Variants in PSMA1 observed in about 807,000 individuals in gnomAD.
PSMA1 encodes proteasome 20S subunit alpha 1.
Under a neutral mutation model 38.4 loss-of-function variants are expected in PSMA1, and 3 were observed. The observed-to-expected ratio is 0.08, with a 90% CI of 0.04 to 0.20. PSMA1 has a LOEUF of 0.20. Among genes scored for constraint, PSMA1 ranks in the 10% least tolerant of loss-of-function variants. The pLI is 1.00. For missense variants in PSMA1, 227 were observed against 325.3 expected, an observed-to-expected ratio of 0.70 and a Z score of 2.32; for synonymous variants, 101 against 107.1, an observed-to-expected ratio of 0.94 and a Z score of 0.35.
chr11:14,624,962 G>A (rs1208469731), intron 1 of PSMA1, among the ~76,000 whole-genome samples: 1 of 152,136 alleles, frequency 6.6e-6, no homozygotes, highest in Non-Finnish European at 1.5e-5. Flanking sequence ...TAATAGAGGT[G>A]GGAGAAGTTA....
intron 1 of PSMA1, among the ~76,000 whole-genome samples, chr11:14,626,169 T>C (rs1852909477): frequency 6.6e-6 from 1 of 151,882 alleles, no homozygotes; most frequent in African/African-American, 2.4e-5. Context: ...TTTTTATTAT[T>C]ACTTAAGTGA....
At chr11:14,558,507 A>G (rs1262365995) in intron 2 of PSMA1, among the ~76,000 whole-genome samples, 2 of 152,214 alleles carry the variant, frequency 1.3e-5, no homozygotes, top group African/African-American at 2.4e-5. Flanking sequence ...CTGCTTTGAG[A>G]TAATGTGCTA....
intron 1 of PSMA1, among the ~76,000 whole-genome samples, chr11:14,638,318 G>A (rs1853136358): frequency 6.6e-6 from 1 of 151,780 alleles, no homozygotes; most frequent in South Asian, 2.1e-4. Flanking sequence ...ATAATATGTA[G>A]GTGTTTCACT....
At chr11:14,547,717 C>T (rs1226752426) in intron 2 of PSMA1, among the ~76,000 whole-genome samples, 1 of 152,086 alleles carries the variant, frequency 6.6e-6, no homozygotes, top group Non-Finnish European at 1.5e-5. Flanking sequence ...CTGTGGGGGA[C>T]CAGGATAGGT....
intron 8 of PSMA1, among the ~76,000 whole-genome samples, chr11:14,508,882 C>T (rs914855407): frequency 5.3e-5 from 8 of 151,218 alleles, no homozygotes; most frequent in Non-Finnish European, 1.0e-4. Context: ...TCCAAGTTTT[C>T]CTCCTACTTC....
In PSMA1 at chr11:14,531,513, A is replaced by C. The variant is rs1342214803; in HGVS notation, c.22-12472T>G. Among the ~76,000 whole-genome samples, 6 of 152,314 alleles carry C rather than the reference A, an allele frequency of 3.9e-5. No homozygotes were observed. In the East Asian group the frequency reaches 1.2e-3, roughly 29 times the overall value. ...GGTCTCATTCTGTCTCCCAGGCTAG[A>C]GTGCAATGGCGCGAACTTAGCTCAC... On this transcript the variant is annotated intron_variant, in intron 2 of 10. Transcript: ENST00000418988.
chr11:14,571,331 G>C (rs962943813), intron 2 of PSMA1, among the ~76,000 whole-genome samples: 1 of 152,174 alleles, frequency 6.6e-6, no homozygotes, highest in African/African-American at 2.4e-5. Flanking sequence ...CCAAAGTGCT[G>C]GGATTACAGG....
intron 1 of PSMA1, among the ~76,000 whole-genome samples, chr11:14,622,890 G>A (rs1176186324): frequency 2.0e-5 from 3 of 152,136 alleles, no homozygotes; most frequent in Non-Finnish European, 4.4e-5. Flanking sequence ...ATAGGGCCCT[G>A]GAATTCTGGG....
intron 2 of PSMA1, among the ~76,000 whole-genome samples, chr11:14,555,581 C>G: frequency 6.6e-6 from 1 of 152,184 alleles, no homozygotes; most frequent in East Asian, 1.9e-4. Context: ...TTGCTCCACA[C>G]AGCTAACTGT....
At chr11:14,566,128 T>C (rs891281348) in intron 2 of PSMA1, among the ~76,000 whole-genome samples, 12 of 152,158 alleles carry the variant, frequency 7.9e-5, no homozygotes, top group African/African-American at 2.9e-4. Flanking sequence ...GTAATGGGGC[T>C]AGGGCTTTGG....
At chr11:14,549,730 G>A (rs1353693832) in intron 2 of PSMA1, among the ~76,000 whole-genome samples, 1 of 149,896 alleles carries the variant, frequency 6.7e-6, no homozygotes, top group Non-Finnish European at 1.5e-5. Flanking sequence ...AGACATTCTT[G>A]TCACCTCATA....
chr11:14,567,534 G>A (rs1283753400), intron 2 of PSMA1, among the ~76,000 whole-genome samples: 1 of 152,196 alleles, frequency 6.6e-6, no homozygotes, highest in African/African-American at 2.4e-5. Flanking sequence ...ACTTAGTACA[G>A]TTCATCCTCA....
At chr11:14,543,105 A>G (rs1345329746) in intron 2 of PSMA1, among the ~76,000 whole-genome samples, 1 of 152,234 alleles carries the variant, frequency 6.6e-6, no homozygotes, top group Admixed American at 6.5e-5. Context: ...TGCTGGGATT[A>G]CAAGCGTGAG....
At chr11:14,633,211 C>T (rs1232313061) in intron 1 of PSMA1, among the ~76,000 whole-genome samples, 11 of 151,518 alleles carry the variant, frequency 7.3e-5, no homozygotes, top group African/African-American at 7.3e-5. Context: ...AGGAGAGGCG[C>T]TCTGCTTTTT....
intron 1 of PSMA1, among the ~76,000 whole-genome samples, chr11:14,639,647 T>G (rs1224347825): frequency 1.3e-5 from 2 of 152,178 alleles, no homozygotes; most frequent in Admixed American, 1.3e-4. Flanking sequence ...GTTCCATTAG[T>G]AGGGCCACAC....
At chr11:14,569,750 C>A (rs1040186264) in intron 2 of PSMA1, among the ~76,000 whole-genome samples, 2 of 152,238 alleles carry the variant, frequency 1.3e-5, no homozygotes, top group East Asian at 3.8e-4. Flanking sequence ...CTCAAGAAGG[C>A]CTGCCAGCCT....
chr11:14,633,690 T>G (rs560654345), intron 1 of PSMA1, among the ~76,000 whole-genome samples: 1 of 152,184 alleles, frequency 6.6e-6, no homozygotes, highest in African/African-American at 2.4e-5. Context: ...CTGGCTGCTT[T>G]GTTTACCTAA....
chr11:14,571,563 C>A (rs1172746439), intron 2 of PSMA1, among the ~76,000 whole-genome samples: 5 of 151,956 alleles, frequency 3.3e-5, no homozygotes, highest in Admixed American at 1.3e-4. Flanking sequence ...AAAAACATGC[C>A]AAACTGTGAA....
chr11:14,523,067 C>T (rs556509351), upstream of PSMA1, among the ~76,000 whole-genome samples: 14 of 152,286 alleles, frequency 9.2e-5, no homozygotes, highest in African/African-American at 3.4e-4. Context: ...CTTTGCGATA[C>T]ATCCTTTATT....
Sources: gnomAD v4.1 joint callset for allele counts (sites outside exome capture counted in the v4.1 genomes callset) on GRCh38, gnomAD v4.1.1 for gene constraint, MANE v1.5 for transcripts, NCBI Gene and HGNC (gene_info 2026-07-23, HGNC 2026-07-21) for gene names.